Variants in SCFD2 observed in about 807,000 individuals in gnomAD.
SCFD2 encodes the protein sec1 family domain containing 2, also known as sec1 family domain-containing protein 2.
A neutral mutation model predicts 58.9 loss-of-function variants in SCFD2; 54 were observed. The ratio of observed to expected loss-of-function variants is 0.92; its 90% CI spans 0.74 to 1.15. SCFD2 has a LOEUF of 1.15. Ranked by LOEUF, SCFD2 falls within the 50% of genes most tolerant of loss-of-function variation. SCFD2 has a pLI of 0.00. For missense variants in SCFD2, 805 were observed against 836.6 expected (o/e 0.96, Z 0.47); for synonymous variants, 321 against 335.9 (o/e 0.96, Z 0.49).
intron 4 of SCFD2, among the ~76,000 whole-genome samples, chr4:53,271,541 C>T (rs1340515095): frequency 4.6e-5 from 7 of 151,892 alleles, no homozygotes; most frequent in Non-Finnish European, 7.4e-5. Context: ...CAGCTCACTG[C>T]AACCTCTGCC....
chr4:52,999,434 G>A (rs1261437657), intron 5 of SCFD2, among the ~76,000 whole-genome samples: 1 of 152,218 alleles, frequency 6.6e-6, no homozygotes, highest in Non-Finnish European at 1.5e-5. Context: ...CAGGAAGGAG[G>A]TGACACAAAT....
At chr4:53,306,279 A>G (rs1732511918) in intron 3 of SCFD2, among the ~76,000 whole-genome samples, 1 of 152,210 alleles carries the variant, frequency 6.6e-6, no homozygotes, top group African/African-American at 2.4e-5. Context: ...TGCAAGGCAC[A>G]ACAGGAGATA....
intron 4 of SCFD2, among the ~76,000 whole-genome samples, chr4:53,252,271 G>T (rs1456439249): frequency 1.4e-5 from 2 of 146,890 alleles, no homozygotes; most frequent in African/African-American, 2.5e-5. Context: ...CATGCTCATG[G>T]GTAGGAAGAA....
chr4:53,209,829 CA>C (rs954348017), intron 4 of SCFD2, among the ~76,000 whole-genome samples: 3 of 150,660 alleles, frequency 2.0e-5, no homozygotes, highest in Non-Finnish European at 4.4e-5. Context: ...GTGATTTAGG[CA>C]AAAAAGAGGA....
intron 5 of SCFD2, among the ~76,000 whole-genome samples, chr4:52,972,192 A>C (rs1048488065): frequency 1.3e-5 from 2 of 152,248 alleles, no homozygotes; most frequent in Non-Finnish European, 2.9e-5. Flanking sequence ...CAAATGGGCT[A>C]AATGCTCCAA....
chr4:53,041,697 G>A (rs1349447236), intron 5 of SCFD2, among the ~76,000 whole-genome samples: 1 of 152,142 alleles, frequency 6.6e-6, no homozygotes, highest in Non-Finnish European at 1.5e-5. Flanking sequence ...TGTGGTTTAA[G>A]GATGGTTTGA....
At position 52,886,487 on chromosome 4, in the gene SCFD2, G is replaced by A. The variant is rs989275248; in HGVS notation, c.1843-621C>T. On this transcript the variant is annotated intron_variant, in intron 7 of 8. Transcript: ENST00000401642. ...CAAATGTGGGTATGAGCTATAACAT[G>A]GGTGAGCTGGGGCATGCCTGCCTAG... 3.3e-5 allele frequency among the ~76,000 whole-genome samples: 5 copies of A among 152,374 alleles called. No homozygotes were observed. In the South Asian group the frequency reaches 8.3e-4, roughly 25 times the overall value.
At chr4:53,199,988 A>G (rs761638808) in intron 4 of SCFD2, among the ~76,000 whole-genome samples, 1 of 150,508 alleles carries the variant, frequency 6.6e-6, no homozygotes, top group Non-Finnish European at 1.5e-5. Context: ...GAGAGAGAGA[A>G]TGCAAGTTCT....
At chr4:53,195,743 C>A (rs1728039534) in intron 4 of SCFD2, among the ~76,000 whole-genome samples, 1 of 152,030 alleles carries the variant, frequency 6.6e-6, no homozygotes, top group Non-Finnish European at 1.5e-5. Context: ...TGATAACAAG[C>A]CTGAAGAAAA....
chr4:53,066,878 C>CA (rs1723677364), intron 5 of SCFD2, among the ~76,000 whole-genome samples: 1 of 151,982 alleles, frequency 6.6e-6, no homozygotes, highest in African/African-American at 2.4e-5. Flanking sequence ...CATTTTTATA[C>CA]GTAGCAGTTA....
intron 5 of SCFD2, among the ~76,000 whole-genome samples, chr4:53,002,507 C>G (rs1481334756): frequency 2.0e-5 from 3 of 152,138 alleles, no homozygotes; most frequent in Non-Finnish European, 4.4e-5. Context: ...ACAACCACTA[C>G]TAGGATTACT....
chr4:53,063,875 T>A (rs1408323865), intron 5 of SCFD2, among the ~76,000 whole-genome samples: 2 of 152,054 alleles, frequency 1.3e-5, no homozygotes. Context: ...TCTATGCTTA[T>A]CAGAATTTTT....
chr4:52,982,137 A>G (rs1195872183), intron 5 of SCFD2, among the ~76,000 whole-genome samples: 1 of 152,170 alleles, frequency 6.6e-6, no homozygotes, highest in African/African-American at 2.4e-5. Context: ...CTGACTTTGG[A>G]CATGTGGTTA....
chr4:53,039,771 A>G (rs1007177865), intron 5 of SCFD2, among the ~76,000 whole-genome samples: 3 of 152,194 alleles, frequency 2.0e-5, no homozygotes, highest in African/African-American at 7.2e-5. Context: ...TCCATTTTAC[A>G]AATAAGGAAG....
chr4:53,045,548 A>T (rs1723019860), intron 5 of SCFD2, among the ~76,000 whole-genome samples: 1 of 152,160 alleles, frequency 6.6e-6, no homozygotes, highest in African/African-American at 2.4e-5. Flanking sequence ...AGCTTTTCTT[A>T]TCCTCTGTAT....
At chr4:53,165,981 T>C (rs1207218146) in intron 4 of SCFD2, among the ~76,000 whole-genome samples, 3 of 152,268 alleles carry the variant, frequency 2.0e-5, no homozygotes, top group Non-Finnish European at 4.4e-5. Context: ...TCTGTCTGTA[T>C]AAATTTGACT....
intron 4 of SCFD2, among the ~76,000 whole-genome samples, chr4:53,208,050 A>G (rs1728491722): frequency 6.6e-6 from 1 of 151,418 alleles, no homozygotes; most frequent in Non-Finnish European, 1.5e-5. Context: ...TTCACCTCCC[A>G]GGCTCAAGCC....
intron 4 of SCFD2, among the ~76,000 whole-genome samples, chr4:53,164,197 T>G (rs375583759): frequency 9.2e-5 from 14 of 152,270 alleles, no homozygotes; most frequent in African/African-American, 3.4e-4. Context: ...TCTATTTATT[T>G]AGAGAGAGGC....
At chr4:53,284,579 G>T (rs539794189) in intron 3 of SCFD2, among the ~76,000 whole-genome samples, 9 of 152,180 alleles carry the variant, frequency 5.9e-5, no homozygotes, top group African/African-American at 2.2e-4. Context: ...TGGGAAACTT[G>T]ACTTTATTAC....
Sources: allele counts gnomAD v4.1 joint callset (sites outside exome capture counted in the v4.1 genomes callset), GRCh38; gene constraint gnomAD v4.1.1; transcripts MANE v1.5; gene names NCBI Gene and HGNC (gene_info 2026-07-23, HGNC 2026-07-21).